Variants in PRKCB observed in about 807,000 individuals in gnomAD.
The protein encoded by PRKCB is protein kinase C beta.
PRKCB carries 13 observed loss-of-function variants against 81.5 expected under a neutral mutation model. The ratio of observed to expected loss-of-function variants is 0.16; its 90% confidence interval spans 0.10 to 0.25. The LOEUF is 0.25. PRKCB is among the 10% of genes least tolerant of loss of function. The pLI is 1.00. For synonymous variants in PRKCB, 335 were observed against 321.4 expected (o/e 1.04, Z -0.45); for missense variants, 509 against 875.7 (o/e 0.58, Z 5.29).
intron 3 of PRKCB, among the ~76,000 whole-genome samples, chr16:23,989,392 G>A (rs1040406242): frequency 6.6e-6 from 1 of 152,154 alleles, no homozygotes; most frequent in African/African-American, 2.4e-5. Context: ...GCTTGTTAGG[G>A]TGTTCCTAAT....
intron 16 of PRKCB, among the ~76,000 whole-genome samples, chr16:24,211,360 A>G (rs75282541): frequency 1.5e-3 from 228 of 152,314 alleles, no homozygotes; most frequent in African/African-American, 5.4e-3. Context: ...ACTTGGAGCC[A>G]TGATGCGTTG....
At chr16:24,045,109 A>G (rs1965748208) in intron 5 of PRKCB, among the ~76,000 whole-genome samples, 1 of 152,180 alleles carries the variant, frequency 6.6e-6, no homozygotes, top group Non-Finnish European at 1.5e-5. Context: ...CATTTCCGCA[A>G]TTTTTGAAAA....
intron 7 of PRKCB, among the ~76,000 whole-genome samples, chr16:24,109,008 G>A (rs1161442840): frequency 2.8e-5 from 3 of 106,332 alleles, no homozygotes; most frequent in Non-Finnish European, 4.4e-5. Context: ...CCTCCCGGAC[G>A]GGGCGGCTGG....
At chr16:23,965,650 TG>T (rs1964477714) in intron 2 of PRKCB, among the ~76,000 whole-genome samples, 1 of 152,226 alleles carries the variant, frequency 6.6e-6, no homozygotes, top group Admixed American at 6.5e-5. Context: ...CTCATCAAAA[TG>T]CAACATCGCT....
chr16:24,212,083 A>G (rs1389796853), intron 16 of PRKCB, among the ~76,000 whole-genome samples: 3 of 152,150 alleles, frequency 2.0e-5, no homozygotes, highest in Admixed American at 1.3e-4. Flanking sequence ...GCCAATTGCA[A>G]TGATCCTTTT....
In PRKCB at chr16:24,092,640, G is replaced by T. The variant is rs374950483; in HGVS notation, c.530-151G>T. ...ATCTTATCAGCCCATCTCATTTTGT[G>T]CACTGCTTCAGCTATGGATGTTAAT... On this transcript the variant is annotated intron_variant, in intron 5 of 16. Transcript: ENST00000643927. 38 of 690,610 alleles carry T rather than the reference G, an allele frequency of 5.5e-5. No homozygotes were observed. In the East Asian group the frequency reaches 7.6e-4, roughly 14 times the overall value. 42.8% of individuals were successfully genotyped at this position (690,610 alleles called of 1,614,324 possible).
rs766599554 is a variant in PRKCB at position 24,067,639 on chromosome 16, T to C, written c.530-25152T>C. Among the ~76,000 whole-genome samples the C allele has an allele frequency of 2.0e-5, 3 of 152,058 alleles. 1 individual carries two copies. Among genetic ancestry groups the C allele is most frequent in the Admixed American group, 1.3e-4 (2 of 15,272 alleles). The stretch of plus-strand genomic sequence containing the variant: ...TCCTATTTCTTGGCATGTTTGGAAG[T>C]TTTGTTTGAATTTCAGATGATTCCT... On this transcript the variant is annotated intron_variant, in intron 5 of 16. Transcript: ENST00000643927.
intron 16 of PRKCB, among the ~76,000 whole-genome samples, chr16:24,211,845 C>G (rs1968143420): frequency 6.6e-6 from 1 of 152,152 alleles, no homozygotes; most frequent in African/African-American, 2.4e-5. Flanking sequence ...CAGGCATGAG[C>G]CACCGCGCCC....
At chr16:24,035,803 C>T (rs558447951) in intron 5 of PRKCB, among the ~76,000 whole-genome samples, 15 of 152,322 alleles carry the variant, frequency 9.8e-5, no homozygotes, top group African/African-American at 3.4e-4. Flanking sequence ...AGAGAGGAGA[C>T]GTCTGAGTTC....
chr16:23,982,426 TC>T lies in PRKCB; in HGVS notation c.206-6081del, dbSNP rs751350845. ...CTTCCCTTCCCCTTCTCTTCTCTTT[TC>T]TTTTTTTTCTGGAGTCAGGGTCTCA... On this transcript the variant is annotated intron_variant, in intron 2 of 16. Coordinates refer to ENST00000643927, the MANE Select transcript of PRKCB (RefSeq NM_002738.7). 7.9e-5 allele frequency among the ~76,000 whole-genome samples: 12 copies of T among 151,244 alleles called. No homozygotes were observed. The South Asian group carries it at 1.5e-3, about 19-fold the overall frequency.
intron 2 of PRKCB, among the ~76,000 whole-genome samples, chr16:23,860,413 G>A (rs1053359131): frequency 2.6e-5 from 4 of 152,140 alleles, no homozygotes; most frequent in Non-Finnish European, 4.4e-5. Flanking sequence ...TGCCATATCC[G>A]GGTGTAGGTG....
chr16:24,212,805 G>A (rs549106791), intron 16 of PRKCB, among the ~76,000 whole-genome samples: 1 of 151,750 alleles, frequency 6.6e-6, no homozygotes. Flanking sequence ...TCATCACCAG[G>A]ACTCTCATTG....
At chr16:24,035,015 T>C (rs911451150) in intron 4 of PRKCB, among the ~76,000 whole-genome samples, 2 of 152,112 alleles carry the variant, frequency 1.3e-5, no homozygotes, top group African/African-American at 4.8e-5. Flanking sequence ...CGTTGAGAAA[T>C]GGGGAATGTT....
chr16:23,882,021 T>TCTTTCTCTTTCTTTCTTTCTTC lies in PRKCB; in HGVS notation c.205+44618_205+44619insTCTCTTTCTTTCTTTCTTCCTT. On this transcript the variant is annotated intron_variant, in intron 2 of 16. Transcript: ENST00000643927. The stretch of plus-strand genomic sequence containing the variant: ...TTCTTTCTTTCTTTCTTTCTTTCTT[T>TCTTTCTCTTTCTTTCTTTCTTC]CTTCCTTCCTTCCTTCCTTCCTTCC... 1.4e-4 allele frequency among the ~76,000 whole-genome samples: 8 copies of TCTTTCTCTTTCTTTCTTTCTTC among 55,592 alleles called. 1 individual carries two copies. Among genetic ancestry groups the TCTTTCTCTTTCTTTCTTTCTTC allele is most frequent in the African/African-American group, 3.6e-4 (6 of 16,850 alleles). 36.5% of individuals were successfully genotyped at this position (55,592 alleles called of 152,430 possible). A position where few individuals can be genotyped will look rare whatever the true frequency, so the allele number is the denominator to read the frequency against.
chr16:24,028,882 C>T (rs1965516632), intron 3 of PRKCB, among the ~76,000 whole-genome samples: 1 of 152,148 alleles, frequency 6.6e-6, no homozygotes, highest in Admixed American at 6.5e-5. Context: ...CCTCCGCCTC[C>T]TGGGTTCAAG....
intron 3 of PRKCB, among the ~76,000 whole-genome samples, chr16:24,024,275 AAGTAGAG>A (rs1490391759): frequency 5.9e-5 from 9 of 152,176 alleles, no homozygotes; most frequent in African/African-American, 2.2e-4. Context: ...GAACTCACAG[AAGTAGAG>A]AGTAGAATGA....
chr16:23,981,565 CTTTCCTTTCT>C (rs917783201), intron 2 of PRKCB, among the ~76,000 whole-genome samples: 2 of 133,182 alleles, frequency 1.5e-5, no homozygotes, highest in Non-Finnish European at 3.2e-5. Context: ...GGCCTTTCTT[CTTTCCTTTCT>C]TTTCCTTTCC....
In PRKCB at chr16:24,217,050, A is replaced by T. The variant is rs1339677250; in HGVS notation, c.*2234A>T. The T allele has an allele frequency of 1.0e-6, 1 of 985,092 alleles. No homozygotes were observed. Among genetic ancestry groups the T allele is most frequent in the Non-Finnish European group, 1.2e-6 (1 of 829,898 alleles). The allele number at this position is 985,092 out of a possible 1,614,324, so 61.0% of individuals were successfully genotyped here. On this transcript the variant is annotated 3_prime_UTR_variant, in exon 17 of 17. Transcript: ENST00000643927. ...CACTAGGCCATTGACAAATGATCTG[A>T]GACAACTTTAGAAAACAATGTAGGA... is the stretch of plus-strand genomic sequence containing the variant.
chr16:24,017,161 C>T (rs1179696272), intron 3 of PRKCB, among the ~76,000 whole-genome samples: 3 of 151,810 alleles, frequency 2.0e-5, no homozygotes, highest in South Asian at 2.1e-4. Flanking sequence ...TATGGTGCAA[C>T]GGTGGGGAGA....
Sources: allele counts gnomAD v4.1 joint callset (sites outside exome capture counted in the v4.1 genomes callset), GRCh38; gene constraint gnomAD v4.1.1; transcripts MANE v1.5; gene names NCBI Gene and HGNC (gene_info 2026-07-23, HGNC 2026-07-21).